The following ITGA4 variants were observed in gnomAD, a reference collection of about 807,000 sequenced individuals.
ITGA4 encodes integrin alpha-4.
In ITGA4, 63 loss-of-function variants were observed where a neutral mutation model predicts 133.6. The ratio of observed to expected loss-of-function variants is 0.47; its 90% CI spans 0.38 to 0.58. ITGA4 has a LOEUF of 0.58. Ranked by LOEUF, ITGA4 falls within the 20% of genes least tolerant of loss-of-function variation. ITGA4 has a pLI of 0.00. For synonymous variants in ITGA4, 483 were observed against 438.0 expected, an observed-to-expected ratio of 1.10 and a Z score of -1.28; for missense variants, 1,076 against 1,252.7, an observed-to-expected ratio of 0.86 and a Z score of 2.13.
intron 2 of ITGA4, among the ~76,000 whole-genome samples, chr2:181,465,528 G>C (rs1685390744): frequency 6.6e-6 from 1 of 151,742 alleles, no homozygotes; most frequent in Admixed American, 6.6e-5. Flanking sequence ...TTACATTTTT[G>C]TATTTTCTTG....
chr2:181,472,745 C>A (rs1685584844), intron 2 of ITGA4, among the ~76,000 whole-genome samples: 1 of 152,146 alleles, frequency 6.6e-6, no homozygotes, highest in Admixed American at 6.5e-5. Context: ...AATAACAACT[C>A]CCTATTTTAG....
rs199866555 is a variant in ITGA4, at chr2:181,457,515, C to T, written c.-140C>T. 3.8e-6 allele frequency: 3 copies of T among 791,870 alleles called. No individual in the cohort carries two copies. The highest frequency in any genetic ancestry group is 3.9e-4 in the Middle Eastern group (1 of 2,596). 49.1% of individuals were successfully genotyped at this position (791,870 alleles called of 1,614,324 possible). On this transcript the variant is annotated 5_prime_UTR_variant, in exon 1 of 28. Coordinates refer to ENST00000397033, the MANE Select transcript of ITGA4 (RefSeq NM_000885.6). The stretch of plus-strand genomic sequence containing the variant: ...GGGCCGACTTCCCCTCCTCTTCCCT[C>T]TCTCCTTCCTTTAGCCCGCTGGCGC...
chr2:181,461,180 C>T (rs3770138), intron 2 of ITGA4, among the ~76,000 whole-genome samples: 22,353 of 146,808 alleles, frequency 0.15, 2,013 homozygotes, highest in Middle Eastern at 0.24. Flanking sequence ...ATGCCATAAG[C>T]AGAAGTGAGC....
chr2:181,478,802 G>T lies in ITGA4; in HGVS notation c.602G>T (p.Gly201Val). The change falls in exon 5 of 28, where the codon GGA becomes GTA. Residue 201 changes from glycine (G) to valine (V), a missense_variant. Coordinates refer to ENST00000397033, the MANE Select transcript of ITGA4 (RefSeq NM_000885.6). ...FGENFASCQA[G>V]ISSFYTKDLI... ...GAAAATTTTGCATCATGTCAAGCTG[G>T]AATATCCAGTTTTTACACAAAGGTA... is the stretch of plus-strand genomic sequence containing the variant. 1.3e-6 allele frequency: 2 copies of T among 1,485,726 alleles called. No individual in the cohort carries two copies. Among genetic ancestry groups the T allele is most frequent in the Non-Finnish European group, 1.8e-6 (2 of 1,102,044 alleles). 92.0% of individuals were successfully genotyped at this position (1,485,726 alleles called of 1,614,324 possible).
intron 2 of ITGA4, among the ~76,000 whole-genome samples, chr2:181,472,945 C>T (rs1685589963): frequency 6.6e-6 from 1 of 152,222 alleles, no homozygotes; most frequent in Non-Finnish European, 1.5e-5. Context: ...ATTCTAATAG[C>T]AACCATTGCC....
At chr2:181,481,553 A>G in intron 6 of ITGA4, 45 bp from the exon 7 acceptor site, 1 of 952,552 alleles carries the variant, frequency 1.0e-6, no homozygotes, top group Non-Finnish European at 1.7e-6. Context: ...TTACCATATG[A>G]TGTACTTTAC....
Position 181,488,684 on chromosome 2 carries a change from G to C in ITGA4, c.1153+2692G>C, listed in dbSNP as rs866147514. 7.9e-5 allele frequency among the ~76,000 whole-genome samples: 12 copies of C among 151,820 alleles called. No homozygotes were observed. The East Asian group carries it at 1.7e-3, about 22-fold the overall frequency. ...TGCCATTCTCCTGCCTCAGCCTCCC[G>C]AGTAGCTGGGACTACAGGCACCCGC... On this transcript the variant is annotated intron_variant, in intron 10 of 27. Coordinates refer to ENST00000397033, the MANE Select transcript of ITGA4 (RefSeq NM_000885.6).
intron 2 of ITGA4, among the ~76,000 whole-genome samples, chr2:181,474,383 CATG>C (rs1056903548): frequency 4.6e-5 from 7 of 152,120 alleles, no homozygotes; most frequent in African/African-American, 1.7e-4. Flanking sequence ...CTGTTGAAAA[CATG>C]AGTCATATTC....
At chr2:181,535,019 A>C in intron 27 of ITGA4, 84 bp downstream of exon 27, 1 of 1,409,206 alleles carries the variant, frequency 7.1e-7, no homozygotes, top group Non-Finnish European at 9.4e-7. Flanking sequence ...TATTAGATTT[A>C]AATATTTCAC....
chr2:181,536,814 C>T lies in ITGA4; in HGVS notation c.*1287C>T. The T allele has an allele frequency of 6.4e-6, 2 of 311,212 alleles. No homozygotes were observed. Among genetic ancestry groups the T allele is most frequent in the Non-Finnish European group, 1.3e-5 (2 of 155,638 alleles). The allele number at this position is 311,212 out of a possible 1,614,324, so 19.3% of individuals were successfully genotyped here. The stretch of plus-strand genomic sequence containing the variant: ...TTTATGCTTATGATCTAGATAATTG[C>T]AGAATATCATTTTATCTGACTCTGC... On this transcript the variant is annotated 3_prime_UTR_variant, in exon 28 of 28. Transcript: ENST00000397033.
intron 14 of ITGA4, 36 bp from the exon 15 acceptor site, chr2:181,498,587 T>G: frequency 7.6e-7 from 1 of 1,320,024 alleles, no homozygotes; most frequent in Non-Finnish European, 1.1e-6. Context: ...TGTATTTCAG[T>G]AATTAGATTA....
intron 17 of ITGA4, among the ~76,000 whole-genome samples, chr2:181,518,646 C>T (rs1686659223): frequency 6.6e-6 from 1 of 151,938 alleles, no homozygotes; most frequent in Non-Finnish European, 1.5e-5. Context: ...AGATCTCTGT[C>T]CCAACTACTC....
At chr2:181,459,860 C>G (rs890280313) in intron 2 of ITGA4, among the ~76,000 whole-genome samples, 1 of 152,096 alleles carries the variant, frequency 6.6e-6, no homozygotes, top group African/African-American at 2.4e-5. Flanking sequence ...ATATTTAGTG[C>G]CTACTTCCTG....
chr2:181,502,176 A>C (rs1470936858), intron 15 of ITGA4, among the ~76,000 whole-genome samples: 1 of 151,568 alleles, frequency 6.6e-6, no homozygotes, highest in Non-Finnish European at 1.5e-5. Context: ...TCAACATTGG[A>C]TTTATAATGC....
rs1201375627 is a variant in ITGA4 at position 181,530,542 on chromosome 2, C to G, written c.2557C>G (p.His853Asp). 3 of 1,612,708 alleles carry G rather than the reference C, an allele frequency of 1.9e-6. No individual in the cohort carries two copies. In the Admixed American group the frequency reaches 5.0e-5, roughly 27 times the overall value. The stretch of plus-strand genomic sequence containing the variant: ...TTCATAGACTACTACTGGAGAATGC[C>G]ACTTTGAAAATTATCAAAGAGTGTG... ...LDVQTTTGEC[H>D]FENYQRVCAL... Residue 853 changes from histidine to aspartate, a missense_variant, in exon 24 of 28, where the codon CAC becomes GAC. Around this residue, in one of 4 missense-constraint regions of ITGA4, gnomAD observed 365 missense variants for 421.4 expected, o/e 0.87. Transcript: ENST00000397033.
At chr2:181,483,724 G>A (rs568692808) in intron 9 of ITGA4, among the ~76,000 whole-genome samples, 22 of 152,280 alleles carry the variant, frequency 1.4e-4, no homozygotes, top group African/African-American at 5.3e-4. Flanking sequence ...AAATCTCATA[G>A]TAGTAATATC....
At chr2:181,462,634 A>T (rs1685312724) in intron 2 of ITGA4, among the ~76,000 whole-genome samples, 1 of 152,182 alleles carries the variant, frequency 6.6e-6, no homozygotes, top group African/African-American at 2.4e-5. Context: ...TATGTAGAAA[A>T]TCAAGACAGA....
intron 16 of ITGA4, among the ~76,000 whole-genome samples, chr2:181,511,108 T>G (rs1260257809): frequency 6.6e-6 from 1 of 152,066 alleles, no homozygotes; most frequent in African/African-American, 2.4e-5. Context: ...TCTCCCCATT[T>G]TTTCCTTTTG....
At chr2:181,510,426 T>A (rs143138107) in intron 16 of ITGA4, among the ~76,000 whole-genome samples, 13 of 152,248 alleles carry the variant, frequency 8.5e-5, no homozygotes, top group African/African-American at 3.1e-4. Flanking sequence ...GTATTTATTC[T>A]CAGGAGTCCT....
Sources: gnomAD v4.1 joint callset for allele counts (sites outside exome capture counted in the v4.1 genomes callset) on GRCh38, gnomAD v4.1.1 for gene constraint, gnomAD v4.1.1 regional missense constraint, MANE v1.5 for transcripts, NCBI Gene and HGNC (gene_info 2026-07-23, HGNC 2026-07-21) for gene names.